PI4KA: variants seen among roughly 807,000 people sequenced by gnomAD.
PI4KA encodes phosphatidylinositol 4-kinase alpha, also known as PI4-kinase alpha.
In PI4KA, 122 loss-of-function variants were observed where a neutral mutation model predicts 271.4. The ratio of observed to expected loss-of-function variants is 0.45; its 90% CI spans 0.39 to 0.52. The LOEUF (loss-of-function observed/expected upper bound fraction) is 0.52, where lower values mean the gene tolerates loss of function less well. Among genes scored for constraint, PI4KA ranks in the 20% least tolerant of loss-of-function variants. The pLI, the probability that PI4KA is intolerant of heterozygous loss-of-function variation, is 0.00. For missense variants in PI4KA, 1,969 were observed against 2,769.1 expected, an observed-to-expected ratio of 0.71 and a Z score of 6.48; for synonymous variants, 1,041 against 1,078.8, an observed-to-expected ratio of 0.96 and a Z score of 0.69.
Position 20,729,458 on chromosome 22 carries a change from G to A in PI4KA, c.4537C>T (p.Pro1513Ser), listed in dbSNP as rs1182620441. 3.7e-6 allele frequency: 6 copies of A among 1,610,628 alleles called. No individual in the cohort carries two copies. Among genetic ancestry groups the A allele is most frequent in the Non-Finnish European group, 5.1e-6 (6 of 1,178,338 alleles). ...LITWYNPLSA[P>S]ELELDQAGEN... ...CCGGCCTGGTCTAGTTCCAGTTCCG[G>A]GGCTGACAGCGGGTTGTACCATGTG... Residue 1513 changes from proline (P) to serine (S), a missense_variant, in exon 39 of 55, where the codon CCG becomes TCG. Pro to Ser is a moderately conservative substitution (Grantham distance 74, BLOSUM62 -1). Transcript: ENST00000255882.
At chr22:20,753,855 T>C (rs542786485) in intron 23 of PI4KA, among the ~76,000 whole-genome samples, 1 of 152,078 alleles carries the variant, frequency 6.6e-6, no homozygotes, top group Non-Finnish European at 1.5e-5. Context: ...CCCGGCTAAT[T>C]TTTTGTATTT....
In PI4KA at chr22:20,833,948, A is replaced by G. The variant is rs545255489; in HGVS notation, c.367+614T>C. ...GCTGGGATTACAGGTATGAGCCACC[A>G]CGCCCGGCCGACCCAGACTAGTCTT... On this transcript the variant is annotated intron_variant, in intron 3 of 54. Transcript: ENST00000255882. Among the ~76,000 whole-genome samples, 287 of 151,652 alleles carry G rather than the reference A, an allele frequency of 1.9e-3. 1 individual carries two copies. Among genetic ancestry groups the G allele is most frequent in the African/African-American group, 6.7e-3 (278 of 41,374 alleles).
intron 43 of PI4KA, among the ~76,000 whole-genome samples, chr22:20,719,881 G>GC (rs1391293226): frequency 1.3e-5 from 2 of 152,024 alleles, no homozygotes; most frequent in South Asian, 2.1e-4. Context: ...AAAAAAATTA[G>GC]CAGGCGTGGT....
chr22:20,717,100 G>A (rs1188072200), intron 45 of PI4KA, among the ~76,000 whole-genome samples: 8 of 152,182 alleles, frequency 5.3e-5, no homozygotes, highest in African/African-American at 1.9e-4. Context: ...AAAAAAATTA[G>A]CCGGGTGTGG....
intron 1 of PI4KA, among the ~76,000 whole-genome samples, chr22:20,847,642 G>A (rs1409339472): frequency 3.3e-5 from 5 of 152,086 alleles, no homozygotes; most frequent in Non-Finnish European, 7.4e-5. Context: ...AGCTACTTCA[G>A]AGACTGAGGT....
At chr22:20,786,739 G>C in intron 19 of PI4KA, 1 of 904,034 alleles carries the variant, frequency 1.1e-6, no homozygotes, top group South Asian at 1.4e-5. Flanking sequence ...ATTTTCAAGA[G>C]TGACTCTGAC....
intron 3 of PI4KA, among the ~76,000 whole-genome samples, chr22:20,825,194 A>C (rs1274804331): frequency 6.6e-6 from 1 of 152,168 alleles, no homozygotes; most frequent in Non-Finnish European, 1.5e-5. Context: ...CCAGCACTTA[A>C]AATTTTAAAG....
chr22:20,795,114 T>C (rs751822759), intron 18 of PI4KA, among the ~76,000 whole-genome samples: 3 of 152,188 alleles, frequency 2.0e-5, no homozygotes, highest in Non-Finnish European at 4.4e-5. Context: ...GGTTGTGGGA[T>C]ACATTGGGGT....
chr22:20,842,430 A>G lies in PI4KA; in HGVS notation c.157-3699T>C, dbSNP rs569155710. Reference sequence around the variant, plus strand: ...GCAATTTATTTACAGTAGTAATAGGAAACTAATGTAATTGGTCACTGGTAA... The same window carrying G: ...GCAATTTATTTACAGTAGTAATAGGGAACTAATGTAATTGGTCACTGGTAA... On this transcript the variant is annotated intron_variant, in intron 1 of 54. Coordinates refer to ENST00000255882, the MANE Select transcript of PI4KA (RefSeq NM_058004.4). Among the ~76,000 whole-genome samples the G allele has an allele frequency of 2.4e-4, 37 of 152,338 alleles. No homozygotes were observed. The South Asian group carries it at 4.8e-3, about 20-fold the overall frequency.
chr22:20,813,367 G>A lies in PI4KA; in HGVS notation c.996C>T (p.Leu332=). 1 of 1,613,480 alleles carries A rather than the reference G, an allele frequency of 6.2e-7. No individual in the cohort carries two copies. The highest frequency in any genetic ancestry group is 1.1e-5 in the South Asian group (1 of 91,062). The part of the protein sequence containing the change: ...FNIPLEMLRE[L]LNLVKKIVEE... ...TCAGTTCTTTGCTTACCAGGTTTAA[G>A]AGTTCCCGAAGCATTTCCAATGGAA... is the stretch of plus-strand genomic sequence containing the variant. Residue 332 remains leucine (L), a synonymous_variant, in exon 8 of 55, where the codon CTC becomes CTT. Transcript: ENST00000255882.
At chr22:20,819,547 A>T in intron 6 of PI4KA, 94 bp downstream of exon 6, 1 of 1,156,774 alleles carries the variant, frequency 8.6e-7, no homozygotes, top group Non-Finnish European at 1.2e-6. Flanking sequence ...ACGTTACTTA[A>T]GTTTACTCCA....
At chr22:20,852,397 C>T (rs1024988545) in intron 1 of PI4KA, among the ~76,000 whole-genome samples, 2 of 152,254 alleles carry the variant, frequency 1.3e-5, no homozygotes, top group African/African-American at 4.8e-5. Context: ...GAGAAAGTGG[C>T]CTCGGAAGAA....
chr22:20,736,861 G>A lies in PI4KA; in HGVS notation c.3742-2308C>T, dbSNP rs981284140. 10 of 153,356 alleles carry A rather than the reference G, an allele frequency of 6.5e-5. 1 individual carries two copies. The highest frequency in any genetic ancestry group is 2.4e-4 in the African/African-American group (10 of 41,578). 9.5% of individuals were successfully genotyped at this position (153,356 alleles called of 1,614,324 possible). ...TACAGTAAAGGGAGGGACCTCACTG[G>A]CATCTACAGTGATGAGAGGGACCTC... On this transcript the variant is annotated intron_variant, in intron 32 of 54. Transcript: ENST00000255882.
At chr22:20,813,983 G>C (rs991954238) in intron 7 of PI4KA, among the ~76,000 whole-genome samples, 2 of 152,130 alleles carry the variant, frequency 1.3e-5, no homozygotes, top group African/African-American at 4.8e-5. Flanking sequence ...ATTTTTAGTA[G>C]AGATGGCGTT....
At chr22:20,760,664 T>C (rs983863300) in intron 23 of PI4KA, among the ~76,000 whole-genome samples, 1 of 152,150 alleles carries the variant, frequency 6.6e-6, no homozygotes, top group African/African-American at 2.4e-5. Context: ...CTTCCCAGTT[T>C]CCATCTCTCC....
chr22:20,743,910 CGGGCGTGGTGGTG>C (rs1266737890), intron 30 of PI4KA, among the ~76,000 whole-genome samples: 1 of 151,954 alleles, frequency 6.6e-6, no homozygotes, highest in African/African-American at 2.4e-5. Context: ...AAAAATTAGC[CGGGCGTGGTGGTG>C]GGTGCCTGTA....
chr22:20,849,661 C>T (rs181780491), intron 1 of PI4KA, among the ~76,000 whole-genome samples: 210 of 151,946 alleles, frequency 1.4e-3, no homozygotes, highest in African/African-American at 4.1e-3. Flanking sequence ...CAAGACCATC[C>T]GGCTAACACG....
chr22:20,773,052 C>T (rs1932958291), intron 19 of PI4KA, among the ~76,000 whole-genome samples: 1 of 152,010 alleles, frequency 6.6e-6, no homozygotes, highest in Non-Finnish European at 1.5e-5. Context: ...GATCACGCCA[C>T]TGCACTCCAG....
rs771968698 is a variant in PI4KA, at chr22:20,801,961, C to T, written c.1724+12G>A. 47 of 1,613,446 alleles carry T rather than the reference C, an allele frequency of 2.9e-5. No homozygotes were observed. The South Asian group carries it at 5.1e-4, about 17-fold the overall frequency. The stretch of plus-strand genomic sequence containing the variant: ...GCACTGCTGTCTACTCGCCACTTGC[C>T]CAGCTTCCCACCTGCAGATGTTGTC... On this transcript the variant is annotated intron_variant, in intron 14 of 54. Coordinates refer to ENST00000255882, the MANE Select transcript of PI4KA (RefSeq NM_058004.4).
Sources: allele counts gnomAD v4.1 joint callset (sites outside exome capture counted in the v4.1 genomes callset), GRCh38; gene constraint gnomAD v4.1.1; transcripts MANE v1.5; gene names NCBI Gene and HGNC (gene_info 2026-07-23, HGNC 2026-07-21).